Variants in SZT2 observed in about 807,000 individuals in gnomAD.
SZT2 encodes SZT2 subunit of KICSTOR complex.
A neutral mutation model predicts 404.2 loss-of-function variants in SZT2; 216 were observed. The observed-to-expected ratio is 0.53, with a 90% CI of 0.48 to 0.60. The LOEUF is 0.60. Among genes scored for constraint, SZT2 ranks in the 20% least tolerant of loss-of-function variants. The pLI is 0.00. For synonymous variants in SZT2, 1,693 were observed against 1,749.9 expected (o/e 0.97, Z 0.81); for missense variants, 3,857 against 4,459.2 (o/e 0.86, Z 3.85).
intron 1 of SZT2, among the ~76,000 whole-genome samples, chr1:43,398,402 G>A (rs954349253): frequency 6.6e-6 from 1 of 152,154 alleles, no homozygotes; most frequent in Admixed American, 6.5e-5. Context: ...TGCTGAATTA[G>A]GATAGCCTTC....
Position 43,425,454 on chromosome 1 carries a change from CAG to C in SZT2, c.2646-17_2646-16del, listed in dbSNP as rs754973941. The C allele has an allele frequency of 1.9e-6, 3 of 1,613,802 alleles. No individual in the cohort carries two copies. In the East Asian group the frequency reaches 6.7e-5, roughly 36 times the overall value. ...CTGCCATGAGGCTGTGCATTGGACT[CAG>C]AGCCCTTCCTCCTTTAGCTTCTCGA... On this transcript the variant is annotated intron_variant, in intron 18 of 71. Transcript: ENST00000634258. This position sits in a 1 kb window ranked among gnomAD's most constrained non-coding sequence, Gnocchi z 4.3.
Position 43,431,108 on chromosome 1 carries a change from G to A in SZT2, c.4916+18G>A, listed in dbSNP as rs1411170772. Reference sequence around the variant, plus strand: ...CACCACCGGTGTGGCAGCAAGTTTGGTGGGGGGTTTGGGACCTTTTTAGGG... The same window carrying A: ...CACCACCGGTGTGGCAGCAAGTTTGATGGGGGGTTTGGGACCTTTTTAGGG... On this transcript the variant is annotated intron_variant, in intron 33 of 71. Coordinates refer to ENST00000634258, the MANE Select transcript of SZT2 (RefSeq NM_001365999.1). 5.0e-6 allele frequency: 8 copies of A among 1,610,916 alleles called. No homozygotes were observed. The highest frequency in any genetic ancestry group is 1.3e-5 in the African/African-American group (1 of 74,776).
rs140427193 is a variant in SZT2 at position 43,437,213 on chromosome 1, C to A, written c.6077C>A (p.Ala2026Glu). The change falls in exon 43 of 72, where the codon GCA becomes GAA. Residue 2026 changes from alanine (A) to glutamate (E), a missense_variant. Ala to Glu is a moderately radical substitution (Grantham distance 107, BLOSUM62 -1). Transcript: ENST00000634258. The surrounding 1 kb of genome is among the most constrained non-coding windows in gnomAD (Gnocchi z 5.3). ...DESCAPRGYL[A>E]ATMQFVPGHF... The stretch of plus-strand genomic sequence containing the variant: ...AGCTGTGCGCCCCGTGGGTACCTGG[C>A]AGCCACAATGCAGTTTGTCCCTGGC... The A allele has an allele frequency of 7.7e-5, 124 of 1,614,166 alleles. No homozygotes were observed. The African/African-American group carries it at 1.4e-3, about 18-fold the overall frequency.
chr1:43,398,178 G>C (rs1284743030), intron 1 of SZT2, among the ~76,000 whole-genome samples: 1 of 152,216 alleles, frequency 6.6e-6, no homozygotes, highest in African/African-American at 2.4e-5. Context: ...GTTGACACTA[G>C]TGTTAAGGTG....
Position 43,431,348 on chromosome 1 carries a change from C to G in SZT2, c.5000C>G (p.Pro1667Arg). The change falls in exon 34 of 72, where the codon CCA becomes CGA. Residue 1667 changes from proline (P) to arginine (R), a missense_variant. Coordinates refer to ENST00000634258, the MANE Select transcript of SZT2 (RefSeq NM_001365999.1). The stretch of plus-strand genomic sequence containing the variant: ...AGGTCAGATGATGGCCTCGGGCCCC[C>G]ACTGCCACCCCCAGAAGAGGAGAGG... The part of the protein sequence containing the change: ...SLRSDDGLGP[P>R]LPPPEEERHP... 2 of 1,612,510 alleles carry G rather than the reference C, an allele frequency of 1.2e-6. No homozygotes were observed. Among genetic ancestry groups the G allele is most frequent in the African/African-American group, 1.3e-5 (1 of 75,008 alleles).
chr1:43,420,752 G>T lies in SZT2; in HGVS notation c.1265G>T (p.Gly422Val). The T allele has an allele frequency of 1.3e-6, 2 of 1,598,364 alleles. No homozygotes were observed. Among genetic ancestry groups the T allele is most frequent in the East Asian group, 2.2e-5 (1 of 44,868 alleles). Residue 422 changes from glycine to valine, a missense_variant, in exon 10 of 72, where the codon GGG becomes GTG. By Grantham distance (109) the Gly-to-Val change is moderately radical. Coordinates refer to ENST00000634258, the MANE Select transcript of SZT2 (RefSeq NM_001365999.1). This position sits in a 1 kb window ranked among gnomAD's most constrained non-coding sequence, Gnocchi z 5.1. ...GGCCCTTCCGCTTCTCCCTAAGGAG[G>T]GTCCCAATTGGAGGTAAAGCTGGTG... ...SVREVTLAKGGSQLEVKLVLL... is the reference protein window; with the variant it reads ...SVREVTLAKGVSQLEVKLVLL...
chr1:43,442,001 G>A lies in SZT2; in HGVS notation c.7744G>A (p.Gly2582Ser). Residue 2582 changes from glycine to serine, a missense_variant and splice_region_variant, in exon 56 of 72, where the codon GGT becomes AGT. Around this residue, in one of 7 missense-constraint regions of SZT2, gnomAD observed 573 missense variants for 592.4 expected, o/e 0.97. Transcript: ENST00000634258. This position sits in a 1 kb window ranked among gnomAD's most constrained non-coding sequence, Gnocchi z 4.5. ...TSVRIFEQHL[G>S]SEPEIFGPCS... Reference sequence around the variant, plus strand: ...TCTGTCTGTCCTCCCTTTCAATAGGGGTTCAGAGCCAGAGATCTTCGGCCC... The same window carrying A: ...TCTGTCTGTCCTCCCTTTCAATAGGAGTTCAGAGCCAGAGATCTTCGGCCC... 1.2e-6 allele frequency: 2 copies of A among 1,611,778 alleles called. No homozygotes were observed. The highest frequency in any genetic ancestry group is 1.7e-6 in the Non-Finnish European group (2 of 1,178,588).
intron 11 of SZT2, 32 bp downstream of exon 11, chr1:43,421,335 T>C: frequency 6.3e-7 from 1 of 1,594,378 alleles, no homozygotes; most frequent in Non-Finnish European, 8.5e-7. Context: ...TAGCCCCATT[T>C]CATGTCAACT....
chr1:43,410,959 G>C (rs1650967363), intron 4 of SZT2, among the ~76,000 whole-genome samples: 1 of 152,150 alleles, frequency 6.6e-6, no homozygotes, highest in African/African-American at 2.4e-5. Context: ...TGCCCTGCCT[G>C]GGTGGGGAGC....
chr1:43,425,409 C>G lies in SZT2; in HGVS notation c.2646-65C>G, dbSNP rs986015822. On this transcript the variant is annotated intron_variant, in intron 18 of 71. Coordinates refer to ENST00000634258, the MANE Select transcript of SZT2 (RefSeq NM_001365999.1). This position sits in a 1 kb window ranked among gnomAD's most constrained non-coding sequence, Gnocchi z 4.3. ...GGCTGTCCTCTGTGCCTGCCTCCTT[C>G]CCTCCATGAGGTTCACTCCCTGCCA... 2.6e-5 allele frequency: 42 copies of G among 1,597,066 alleles called. No individual in the cohort carries two copies. Among genetic ancestry groups the G allele is most frequent in the Non-Finnish European group, 3.6e-5 (42 of 1,169,430 alleles).
At position 43,431,530 on chromosome 1, in the gene SZT2, C is replaced by T. The variant is rs1653877043; in HGVS notation, c.5088+7C>T. The T allele has an allele frequency of 6.2e-7, 1 of 1,613,952 alleles. No homozygotes were observed. The highest frequency in any genetic ancestry group is 8.5e-7 in the Non-Finnish European group (1 of 1,179,966). On this transcript the variant is annotated splice_region_variant and intron_variant, in intron 35 of 71. Coordinates refer to ENST00000634258, the MANE Select transcript of SZT2 (RefSeq NM_001365999.1). The stretch of plus-strand genomic sequence containing the variant: ...TGAGACCACCATGAATGAGGTGAGC[C>T]CCCCACCCCCAACACTGTAACTGAT...
At position 43,453,289 on chromosome 1, in the gene SZT2, TCAGA is replaced by T; in HGVS notation, c.*2811_*2814del. ...CAGAGGCAGAGATAAACCAGTGGGC[TCAGA>T]CTTCTGAGCGTCTCAGATCTGGCGT... On this transcript the variant is annotated 3_prime_UTR_variant, in exon 72 of 72. Coordinates refer to ENST00000634258, the MANE Select transcript of SZT2 (RefSeq NM_001365999.1). 1 of 803,898 alleles carries T rather than the reference TCAGA, an allele frequency of 1.2e-6. No homozygotes were observed. The highest frequency in any genetic ancestry group is 2.0e-6 in the Non-Finnish European group (1 of 508,886). 49.8% of individuals were successfully genotyped at this position (803,898 alleles called of 1,614,324 possible).
rs1435173203 is a variant in SZT2, at chr1:43,448,599, G to C, written c.9970-13G>C. On this transcript the variant is annotated splice_polypyrimidine_tract_variant and intron_variant, in intron 69 of 71. Coordinates refer to ENST00000634258, the MANE Select transcript of SZT2 (RefSeq NM_001365999.1). This position sits in a 1 kb window ranked among gnomAD's most constrained non-coding sequence, Gnocchi z 4.2. ...CTGGCACAGAAGACTCAGGCCTGTGGCTCCTCCCTCAGGACTGCTTCCTAT... is the reference window on the plus strand; with the variant it reads ...CTGGCACAGAAGACTCAGGCCTGTGCCTCCTCCCTCAGGACTGCTTCCTAT... 4.3e-6 allele frequency: 7 copies of C among 1,614,102 alleles called. No individual in the cohort carries two copies. The highest frequency in any genetic ancestry group is 8.5e-7 in the Non-Finnish European group (1 of 1,179,978).
At position 43,450,758 on chromosome 1, in the gene SZT2, GC is replaced by G; in HGVS notation, c.*284del. 1.4e-6 allele frequency: 1 copy of G among 697,454 alleles called. No individual in the cohort carries two copies. Among genetic ancestry groups the G allele is most frequent in the Non-Finnish European group, 2.6e-6 (1 of 381,346 alleles). The allele number at this position is 697,454 out of a possible 1,614,324, so 43.2% of individuals were successfully genotyped here. On this transcript the variant is annotated 3_prime_UTR_variant, in exon 72 of 72. Transcript: ENST00000634258. The surrounding 1 kb of genome is among the most constrained non-coding windows in gnomAD (Gnocchi z 4.3). ...GGGCCCTTCTGGGGTACTCCTTTCG[GC>G]CCCCCTGGTAGAGTCTCGGGAGTTC...
chr1:43,452,820 C>A lies in SZT2; in HGVS notation c.*2340C>A. The A allele has an allele frequency of 7.0e-7, 1 of 1,430,364 alleles. No individual in the cohort carries two copies. 88.6% of individuals were successfully genotyped at this position (1,430,364 alleles called of 1,614,324 possible). A position where few individuals can be genotyped will look rare whatever the true frequency, so the allele number is the denominator to read the frequency against. On this transcript the variant is annotated 3_prime_UTR_variant, in exon 72 of 72. Transcript: ENST00000634258. ...AATCAGCCCCACTTTGAGCCGTCCA[C>A]CTCCTCCCATCATCCCCTGATCTTA... is the stretch of plus-strand genomic sequence containing the variant.
Position 43,430,026 on chromosome 1 carries a change from A to G in SZT2, c.4324A>G (p.Ile1442Val), listed in dbSNP as rs769387963. 31 of 1,614,020 alleles carry G rather than the reference A, an allele frequency of 1.9e-5. No individual in the cohort carries two copies. The highest frequency in any genetic ancestry group is 2.4e-5 in the Non-Finnish European group (28 of 1,179,976). ...CCCACAACAGGAGAAGTTCCTAGAG[A>G]TCAGTCGTCTCCACTTCCGCACAGT... ...HSVIQEKFLE[I>V]SRLHFRTVPS... is the part of the protein sequence containing the mutation. Residue 1442 changes from isoleucine to valine, a missense_variant, in exon 30 of 72, where the codon ATC (isoleucine) becomes GTC (valine). Physicochemically the swap from Ile to Val is conservative, Grantham distance 29. Around this residue, in one of 7 missense-constraint regions of SZT2, gnomAD observed 1,725 missense variants for 1,881.0 expected, o/e 0.92. Coordinates refer to ENST00000634258, the MANE Select transcript of SZT2 (RefSeq NM_001365999.1).
In SZT2 at chr1:43,432,266, C is replaced by G; in HGVS notation, c.5275-6C>G. 1 of 1,544,050 alleles carries G rather than the reference C, an allele frequency of 6.5e-7. No homozygotes were observed. The highest frequency in any genetic ancestry group is 8.7e-7 in the Non-Finnish European group (1 of 1,147,920). The stretch of plus-strand genomic sequence containing the variant: ...CTAAACTGTGATCTTGGCTCCTGCT[C>G]TCTAGGAGTTCCGCCGCCTCCATCT... On this transcript the variant is annotated splice_region_variant and splice_polypyrimidine_tract_variant and intron_variant, in intron 36 of 71. Transcript: ENST00000634258.
chr1:43,429,585 C>G, intron 28 of SZT2, 118 bp from the exon 29 acceptor site: 1 of 1,292,084 alleles, frequency 7.7e-7, no homozygotes, highest in Non-Finnish European at 1.1e-6. Flanking sequence ...CATGCCATTA[C>G]GCTAAGTACT....
Position 43,441,157 on chromosome 1 carries a change from C to A in SZT2, c.7345-57C>A. The A allele has an allele frequency of 6.3e-7, 1 of 1,580,360 alleles. No homozygotes were observed. The highest frequency in any genetic ancestry group is 8.6e-7 in the Non-Finnish European group (1 of 1,159,500). ...GCTCACTGCTGTTCCATAGTGCCCCCATCCCACACCTTTCCTCTTCCCAGT... is the reference window on the plus strand; with the variant it reads ...GCTCACTGCTGTTCCATAGTGCCCCAATCCCACACCTTTCCTCTTCCCAGT... On this transcript the variant is annotated intron_variant, in intron 52 of 71. Coordinates refer to ENST00000634258, the MANE Select transcript of SZT2 (RefSeq NM_001365999.1). The surrounding 1 kb of genome is among the most constrained non-coding windows in gnomAD (Gnocchi z 4.8).
Sources: gnomAD v4.1 joint callset for allele counts (sites outside exome capture counted in the v4.1 genomes callset) on GRCh38, gnomAD v4.1.1 for gene constraint, gnomAD v4.1.1 regional missense constraint, Gnocchi (gnomAD v3.1) non-coding constraint, MANE v1.5 for transcripts, NCBI Gene and HGNC (gene_info 2026-07-23, HGNC 2026-07-21) for gene names.